The following ASTN1 variants were observed in gnomAD, a reference collection of about 807,000 sequenced individuals.
ASTN1 encodes astrotactin 1.
In ASTN1, 41 loss-of-function variants were observed where a neutral mutation model predicts 140.7. That is an observed-to-expected ratio of 0.29 (90% confidence interval 0.23 to 0.38). The LOEUF (loss-of-function observed/expected upper bound fraction) is 0.38, where lower values mean the gene tolerates loss of function less well. ASTN1 is among the 10% of genes least tolerant of loss of function. The pLI is 1.00. For synonymous variants in ASTN1, 640 were observed against 652.2 expected, an observed-to-expected ratio of 0.98 and a Z score of 0.29; for missense variants, 1,479 against 1,678.8, an observed-to-expected ratio of 0.88 and a Z score of 2.08.
intron 1 of ASTN1, among the ~76,000 whole-genome samples, chr1:177,115,549 C>T (rs556781590): frequency 6.6e-5 from 10 of 151,780 alleles, no homozygotes; most frequent in African/African-American, 2.2e-4. Context: ...CATAGCTACT[C>T]GGGGGACTGA....
At chr1:177,075,320 C>T (rs1678834215) in intron 1 of ASTN1, among the ~76,000 whole-genome samples, 1 of 152,040 alleles carries the variant, frequency 6.6e-6, no homozygotes, top group Admixed American at 6.5e-5. Context: ...GATCCACCCA[C>T]CTCGGTCTCC....
intron 1 of ASTN1, among the ~76,000 whole-genome samples, chr1:177,130,774 G>A (rs529809014): frequency 2.6e-5 from 4 of 152,318 alleles, no homozygotes; most frequent in African/African-American, 9.6e-5. Flanking sequence ...ACTTTGGCAT[G>A]AGCCTGGTCC....
chr1:177,074,247 T>C (rs977678740), intron 1 of ASTN1, among the ~76,000 whole-genome samples: 1 of 152,242 alleles, frequency 6.6e-6, no homozygotes, highest in African/African-American at 2.4e-5. Flanking sequence ...ACTGATCTTC[T>C]TACAGTCTGT....
chr1:176,963,435 G>A (rs1038877290), intron 9 of ASTN1, among the ~76,000 whole-genome samples: 3 of 151,982 alleles, frequency 2.0e-5, no homozygotes, highest in Admixed American at 6.6e-5. Context: ...GCTTTCATTT[G>A]AGAGGCTAGT....
intron 13 of ASTN1, among the ~76,000 whole-genome samples, chr1:176,945,334 TA>T (rs1671907896): frequency 1.3e-5 from 2 of 152,216 alleles, no homozygotes; most frequent in Admixed American, 1.3e-4. Flanking sequence ...TTAATTCACG[TA>T]AAAACAATGA....
chr1:176,907,335 G>A (rs1433369271), intron 16 of ASTN1, among the ~76,000 whole-genome samples: 2 of 152,078 alleles, frequency 1.3e-5, no homozygotes, highest in African/African-American at 4.8e-5. Flanking sequence ...AGATAAAGGG[G>A]GGAATATACT....
At position 176,861,125 on chromosome 1, in the gene ASTN1, C is replaced by A. The variant is rs1381769011; in HGVS notation, c.*3159G>T. 4 of 946,312 alleles carry A rather than the reference C, an allele frequency of 4.2e-6. No homozygotes were observed. The highest frequency in any genetic ancestry group is 3.8e-6 in the Non-Finnish European group (3 of 794,528). The allele number at this position is 946,312 out of a possible 1,614,324, so 58.6% of individuals were successfully genotyped here. On this transcript the variant is annotated 3_prime_UTR_variant, in exon 23 of 23. Transcript: ENST00000361833. Reference sequence around the variant, plus strand: ...AATTATTTCATCTTTTATAATCATACAATAATTCTCTTTTAAACAACACTG... The same window carrying A: ...AATTATTTCATCTTTTATAATCATAAAATAATTCTCTTTTAAACAACACTG...
chr1:177,058,565 C>G (rs970220335), intron 2 of ASTN1, among the ~76,000 whole-genome samples: 1 of 152,142 alleles, frequency 6.6e-6, no homozygotes, highest in Non-Finnish European at 1.5e-5. Flanking sequence ...TCCACTAATT[C>G]TTGCTCAGGG....
intron 17 of ASTN1, among the ~76,000 whole-genome samples, chr1:176,892,751 T>TCA (rs1448741456): frequency 6.6e-6 from 1 of 152,218 alleles, no homozygotes; most frequent in East Asian, 1.9e-4. Flanking sequence ...CACATTGAAT[T>TCA]ATATTCTAAT....
At chr1:176,913,894 T>G (rs530392990) in intron 16 of ASTN1, among the ~76,000 whole-genome samples, 7 of 152,304 alleles carry the variant, frequency 4.6e-5, no homozygotes, top group African/African-American at 1.4e-4. Flanking sequence ...GAAGAAAAGT[T>G]TAACCAACAT....
intron 16 of ASTN1, among the ~76,000 whole-genome samples, chr1:176,926,517 T>C (rs940470545): frequency 1.3e-5 from 2 of 152,234 alleles, no homozygotes; most frequent in Admixed American, 6.5e-5. Flanking sequence ...ATCAGGCCTG[T>C]CTGCCTGTGA....
intron 21 of ASTN1, among the ~76,000 whole-genome samples, chr1:176,872,957 G>C (rs866169680): frequency 5.9e-5 from 9 of 152,122 alleles, no homozygotes; most frequent in Non-Finnish European, 1.3e-4. Flanking sequence ...GCTGTTGTTG[G>C]TCATCCTTAC....
chr1:176,917,367 A>G (rs1670532099), intron 16 of ASTN1, among the ~76,000 whole-genome samples: 3 of 152,188 alleles, frequency 2.0e-5, no homozygotes, highest in African/African-American at 7.2e-5. Flanking sequence ...GGGCAGAGTA[A>G]GGATTTTCTT....
At chr1:176,867,370 G>A (rs1205479904) in intron 22 of ASTN1, among the ~76,000 whole-genome samples, 1 of 152,106 alleles carries the variant, frequency 6.6e-6, no homozygotes, top group Non-Finnish European at 1.5e-5. Context: ...GGAGGTAGAA[G>A]GGAGTGGAGA....
At chr1:177,003,753 A>C (rs1355244126) in intron 8 of ASTN1, among the ~76,000 whole-genome samples, 2 of 152,042 alleles carry the variant, frequency 1.3e-5, no homozygotes, top group Non-Finnish European at 2.9e-5. Context: ...CAGAGGTTGC[A>C]GTGAGCCAAG....
chr1:177,003,303 G>A (rs561044954), intron 8 of ASTN1, among the ~76,000 whole-genome samples: 2 of 150,188 alleles, frequency 1.3e-5, no homozygotes, highest in East Asian at 3.9e-4. Context: ...ATAGTCGAAT[G>A]AGTTTCATCC....
rs558182230 is a variant in ASTN1 at position 177,151,438 on chromosome 1, AAGAG to A, written c.283+12952_283+12955del. On this transcript the variant is annotated intron_variant, in intron 1 of 22. Coordinates refer to ENST00000361833, the MANE Select transcript of ASTN1 (RefSeq NM_004319.3). The stretch of plus-strand genomic sequence containing the variant: ...TGCCTTACTTTCTTAAAAAAAAAAA[AAGAG>A]AGAGAGAAAGAAAATTGTTACCCTG... Among the ~76,000 whole-genome samples, 1,070 of 151,646 alleles carry A rather than the reference AAGAG, an allele frequency of 7.1e-3. 12 individuals are homozygous for A. The highest frequency in any genetic ancestry group is 6.8e-3 in the Non-Finnish European group (460 of 67,878).
intron 2 of ASTN1, among the ~76,000 whole-genome samples, chr1:177,042,537 A>G (rs1422935744): frequency 2.0e-5 from 3 of 152,202 alleles, no homozygotes; most frequent in African/African-American, 7.2e-5. Context: ...ACATTGCCTT[A>G]TTCCTAGAAT....
chr1:177,065,954 T>C (rs1030055240), intron 1 of ASTN1, among the ~76,000 whole-genome samples: 3 of 152,228 alleles, frequency 2.0e-5, no homozygotes, highest in Non-Finnish European at 2.9e-5. Context: ...GGCCTAGGTA[T>C]GGTACGAGTA....
Sources: gnomAD v4.1 joint callset for allele counts (sites outside exome capture counted in the v4.1 genomes callset) on GRCh38, gnomAD v4.1.1 for gene constraint, MANE v1.5 for transcripts, NCBI Gene and HGNC (gene_info 2026-07-23, HGNC 2026-07-21) for gene names.